Variants in GFM1 observed in about 807,000 individuals in gnomAD.
GFM1 encodes G elongation factor mitochondrial 1, also known as elongation factor G, mitochondrial.
GFM1 carries 62 observed loss-of-function variants against 96.2 expected under a neutral mutation model. That is an observed-to-expected ratio of 0.64 (90% CI 0.53 to 0.80). GFM1 has a LOEUF of 0.80. GFM1 is among the 30% of genes least tolerant of loss of function. The probability of loss-of-function intolerance (pLI) is 0.00; values close to 1 mark genes in which losing one functional copy is unlikely to be tolerated. For missense variants in GFM1, 852 were observed against 916.6 expected (o/e 0.93, Z 0.91); for synonymous variants, 282 against 312.9 (o/e 0.90, Z 1.04).
At position 158,684,611 on chromosome 3, in the gene GFM1, A is replaced by G. The variant is rs767798328; in HGVS notation, c.1852A>G (p.Met618Val). The G allele has an allele frequency of 4.3e-6, 7 of 1,613,936 alleles. No homozygotes were observed. Among genetic ancestry groups the G allele is most frequent in the Admixed American group, 1.7e-5 (1 of 59,974 alleles). ...RFVLQDGAHHMVDSNEISFIR... is the reference protein window; with the variant it reads ...RFVLQDGAHHVVDSNEISFIR... ...TGTCCTGCAAGATGGAGCACACCAC[A>G]TGGTTGATTCTAATGAAATCTCTTT... Residue 618 changes from methionine to valine, a missense_variant, in exon 15 of 18, where the codon ATG becomes GTG. Physicochemically the swap from Met to Val is conservative, Grantham distance 21. Coordinates refer to ENST00000486715, the MANE Select transcript of GFM1 (RefSeq NM_024996.7).
intron 13 of GFM1, chr3:158,672,657 G>T: frequency 1.5e-6 from 1 of 653,232 alleles, no homozygotes; most frequent in Non-Finnish European, 2.5e-6. Flanking sequence ...TTGGGCCCAG[G>T]CTCCCTGCAT....
chr3:158,693,089 A>T lies in GFM1; in HGVS notation c.*1622A>T, dbSNP rs1726424655. ...TTTTGTAATAGAAGAAGCACAGATA[A>T]GGTAAATAACTTTAATGAGACCACA... On this transcript the variant is annotated 3_prime_UTR_variant, in exon 18 of 18. Coordinates refer to ENST00000486715, the MANE Select transcript of GFM1 (RefSeq NM_024996.7). 6.6e-6 allele frequency: 1 copy of T among 152,172 alleles called. No homozygotes were observed. Among genetic ancestry groups the T allele is most frequent in the South Asian group, 2.1e-4 (1 of 4,820 alleles). 9.4% of individuals were successfully genotyped at this position (152,172 alleles called of 1,614,324 possible).
intron 11 of GFM1, among the ~76,000 whole-genome samples, chr3:158,663,579 C>T (rs1473351033): frequency 6.6e-6 from 1 of 152,166 alleles, no homozygotes; most frequent in Non-Finnish European, 1.5e-5. Context: ...TCTCCATTTT[C>T]TCAGGAATTT....
chr3:158,676,144 C>T (rs2108081000), intron 13 of GFM1, among the ~76,000 whole-genome samples: 1 of 152,238 alleles, frequency 6.6e-6, no homozygotes, highest in African/African-American at 2.4e-5. Flanking sequence ...TAGCATGTGC[C>T]TGTAGTTCCA....
chr3:158,676,786 G>A (rs1175174903), intron 13 of GFM1, among the ~76,000 whole-genome samples: 2 of 149,562 alleles, frequency 1.3e-5, no homozygotes, highest in South Asian at 2.1e-4. Context: ...TGCAACCTCC[G>A]CCTCCCAGGT....
At chr3:158,648,288 G>T (rs1408880428) in intron 4 of GFM1, among the ~76,000 whole-genome samples, 1 of 152,098 alleles carries the variant, frequency 6.6e-6, no homozygotes, top group Non-Finnish European at 1.5e-5. Context: ...TTTAACCATA[G>T]TTATAGATGG....
intron 13 of GFM1, chr3:158,672,569 G>A (rs1017419003): frequency 1.3e-5 from 20 of 1,526,700 alleles, no homozygotes; most frequent in East Asian, 2.3e-5. Context: ...TGCTGGGTCC[G>A]GTTGCCGAGG....
At chr3:158,648,950 C>G in intron 4 of GFM1, 91 bp from the exon 5 acceptor site, 1 of 745,934 alleles carries the variant, frequency 1.3e-6, no homozygotes, top group South Asian at 1.4e-5. Flanking sequence ...TCTCCAGTGT[C>G]TGCCACTGAT....
intron 13 of GFM1, among the ~76,000 whole-genome samples, chr3:158,676,818 G>A (rs1435767658): frequency 6.6e-6 from 1 of 151,546 alleles, no homozygotes; most frequent in African/African-American, 2.4e-5. Context: ...TCCTGCCTCA[G>A]CTTCCCGAGT....
At chr3:158,669,975 C>T (rs192119438) in intron 13 of GFM1, among the ~76,000 whole-genome samples, 2 of 152,286 alleles carry the variant, frequency 1.3e-5, no homozygotes, top group East Asian at 3.9e-4. Flanking sequence ...ATTACTCTTA[C>T]TCTTTGCTCC....
chr3:158,652,304 G>A (rs1722365238), intron 6 of GFM1, 58 bp downstream of exon 6: 8 of 1,430,556 alleles, frequency 5.6e-6, no homozygotes, highest in African/African-American at 4.2e-5. Flanking sequence ...TTTGTTTTTT[G>A]TAGGGAGGGG....
At chr3:158,667,812 A>T (rs1480218796) in intron 13 of GFM1, among the ~76,000 whole-genome samples, 1 of 152,164 alleles carries the variant, frequency 6.6e-6, no homozygotes, top group Non-Finnish European at 1.5e-5. Context: ...AAACAAAAAA[A>T]CCAGAACACC....
At chr3:158,672,757 G>A (rs891115298) in intron 13 of GFM1, 4 of 352,722 alleles carry the variant, frequency 1.1e-5, no homozygotes, top group African/African-American at 2.1e-5. Context: ...TCCTACTGGA[G>A]GAGAGGCCAG....
chr3:158,644,687 C>T lies in GFM1; in HGVS notation c.53C>T (p.Pro18Leu). 1 of 1,580,320 alleles carries T rather than the reference C, an allele frequency of 6.3e-7. No individual in the cohort carries two copies. Among genetic ancestry groups the T allele is most frequent in the Non-Finnish European group, 8.6e-7 (1 of 1,164,066 alleles). Residue 18 changes from proline (P) to leucine (L), a missense_variant, in exon 1 of 18, where the codon CCC (proline) becomes CTC (leucine). Pro to Leu is a moderately conservative substitution (Grantham distance 98). Coordinates refer to ENST00000486715, the MANE Select transcript of GFM1 (RefSeq NM_024996.7). ...AVAALGRGRA[P>L]ASLGWQRKQV... is the part of the protein sequence containing the mutation. ...GCGGCTCTGGGGCGCGGAAGGGCCCCCGCCTCCCTAGGCTGGCAGAGGAAG... is the reference window on the plus strand; with the variant it reads ...GCGGCTCTGGGGCGCGGAAGGGCCCTCGCCTCCCTAGGCTGGCAGAGGAAG...
intron 13 of GFM1, chr3:158,672,544 GC>G (rs759849269): frequency 9.4e-6 from 15 of 1,590,154 alleles, no homozygotes; most frequent in Non-Finnish European, 1.3e-5. Context: ...GCAGAGCGCC[GC>G]CCGTCCTGCT....
At chr3:158,679,469 AGT>A (rs1725183423) in intron 13 of GFM1, among the ~76,000 whole-genome samples, 1 of 152,160 alleles carries the variant, frequency 6.6e-6, no homozygotes, top group African/African-American at 2.4e-5. Flanking sequence ...TTATAAATAC[AGT>A]GTTTCTTTGG....
chr3:158,691,586 G>C lies in GFM1; in HGVS notation c.*119G>C. The C allele has an allele frequency of 2.6e-6, 3 of 1,142,024 alleles. No homozygotes were observed. In the African/African-American group the frequency reaches 4.7e-5, roughly 18 times the overall value. 70.7% of individuals were successfully genotyped at this position (1,142,024 alleles called of 1,614,324 possible). A position where few individuals can be genotyped will look rare whatever the true frequency, so the allele number is the denominator to read the frequency against. ...AAGAAATTCTGAGCCCAGGAAGCGG[G>C]CTCTTCTTTCTTCAAAAGAAGCCCT... On this transcript the variant is annotated 3_prime_UTR_variant, in exon 18 of 18. Transcript: ENST00000486715.
Position 158,662,649 on chromosome 3 carries a change from C to A in GFM1, c.1345C>A (p.Pro449Thr). The A allele has an allele frequency of 1.3e-6, 2 of 1,598,874 alleles. No individual in the cohort carries two copies. The highest frequency in any genetic ancestry group is 1.7e-6 in the Non-Finnish European group (2 of 1,166,728). The change falls in exon 11 of 18, where the codon CCT (proline) becomes ACT (threonine). Residue 449 changes from proline (P) to threonine (T), a missense_variant. Coordinates refer to ENST00000486715, the MANE Select transcript of GFM1 (RefSeq NM_024996.7). ...TTAGGAGTCAATTCATGTTCCTGATCCTGTCATTTCAATAGCAATGAAGCC... is the reference window on the plus strand; with the variant it reads ...TTAGGAGTCAATTCATGTTCCTGATACTGTCATTTCAATAGCAATGAAGCC... ...LSMESIHVPD[P>T]VISIAMKPSN... is the part of the protein sequence containing the mutation.
In GFM1 at chr3:158,690,179, A is replaced by G. The variant is rs757375403; in HGVS notation, c.1926A>G (p.Thr642=). The G allele has an allele frequency of 9.3e-6, 15 of 1,613,368 alleles. No homozygotes were observed. Among genetic ancestry groups the G allele is most frequent in the Non-Finnish European group, 1.2e-5 (14 of 1,179,732 alleles). ...GALKQALANA[T]LCILEPIMAV... is the part of the protein sequence containing the mutation. ...TTAACCCAGCCTTGGCAAATGCAAC[A>G]TTATGTATTCTTGAACCTATTATGG... Residue 642 remains threonine (T), a synonymous_variant, in exon 16 of 18, where the codon ACA becomes ACG. Coordinates refer to ENST00000486715, the MANE Select transcript of GFM1 (RefSeq NM_024996.7).
Sources: allele counts gnomAD v4.1 joint callset (sites outside exome capture counted in the v4.1 genomes callset), GRCh38; gene constraint gnomAD v4.1.1; transcripts MANE v1.5; gene names NCBI Gene and HGNC (gene_info 2026-07-23, HGNC 2026-07-21).